Variants in SATL1 observed in about 807,000 individuals in gnomAD.
SATL1 encodes the protein spermidine/spermine N1-acetyl transferase like 1.
A neutral mutation model predicts 51.8 loss-of-function variants in SATL1; 47 were observed. That is an observed-to-expected ratio of 0.91 (90% CI 0.72 to 1.16). The LOEUF (loss-of-function observed/expected upper bound fraction) is 1.16. Ranked by LOEUF, SATL1 falls within the 50% of genes most tolerant of loss-of-function variation. The probability of loss-of-function intolerance (pLI) is 0.00; values close to 1 mark genes in which losing one functional copy is unlikely to be tolerated. For synonymous variants in SATL1, 176 were observed against 182.4 expected (o/e 0.97, Z 0.28); for missense variants, 520 against 526.4 (o/e 0.99, Z 0.12).
intron 2 of SATL1, among the ~76,000 whole-genome samples, chrX:85,155,562 T>C (rs1926566884): frequency 8.9e-6 from 1 of 112,231 alleles, no homozygotes; most frequent in African/African-American, 3.2e-5. Flanking sequence ...TTTACATGCT[T>C]TTTGGGTAAA....
chrX:85,151,344 A>T (rs1926431626), intron 2 of SATL1, among the ~76,000 whole-genome samples: 1 of 111,786 alleles, frequency 8.9e-6, no homozygotes, highest in South Asian at 3.8e-4. Flanking sequence ...AGAACATTCC[A>T]TGCTCATGGG....
At chrX:85,201,965 T>C (rs1369586502) in intron 2 of SATL1, among the ~76,000 whole-genome samples, 4 of 112,052 alleles carry the variant, frequency 3.6e-5, no homozygotes, top group Non-Finnish European at 1.9e-5. Flanking sequence ...TTTATATTCC[T>C]TTGGCTATAC....
chrX:85,150,809 C>A (rs376463872), intron 2 of SATL1, among the ~76,000 whole-genome samples: 2 of 108,152 alleles, frequency 1.8e-5, no homozygotes, highest in Non-Finnish European at 3.9e-5. Flanking sequence ...ATTGATGGGA[C>A]GTATCTCAAA....
At chrX:85,160,040 G>GTGCT (rs1555958928) in intron 2 of SATL1, among the ~76,000 whole-genome samples, 2 of 109,055 alleles carry the variant, frequency 1.8e-5, no homozygotes, top group Non-Finnish European at 3.8e-5. Context: ...CAGTCCCCCA[G>GTGCT]TGTTAGAGCA....
intron 2 of SATL1, among the ~76,000 whole-genome samples, chrX:85,170,370 G>A (rs1926946837): frequency 9.0e-6 from 1 of 111,470 alleles, no homozygotes; most frequent in Non-Finnish European, 1.9e-5. Flanking sequence ...TATTTTTTCT[G>A]CGACATTTTA....
At chrX:85,197,270 G>A (rs758065401) in intron 2 of SATL1, among the ~76,000 whole-genome samples, 25 of 110,874 alleles carry the variant, frequency 2.3e-4, no homozygotes, top group African/African-American at 7.2e-4. Context: ...TATGTATGGA[G>A]TATATGAGCT....
chrX:85,153,106 A>G (rs112721109), intron 2 of SATL1, among the ~76,000 whole-genome samples: 1,412 of 111,278 alleles, frequency 0.013, 20 homozygotes, highest in African/African-American at 0.044. Context: ...AGGTTTTATA[A>G]AAACACTAGA....
At chrX:85,140,205 G>T (rs919898869) in intron 2 of SATL1, among the ~76,000 whole-genome samples, 1 of 111,848 alleles carries the variant, frequency 8.9e-6, no homozygotes, top group East Asian at 2.8e-4. Flanking sequence ...CTAAAATTGT[G>T]TCATGTCCTG....
chrX:85,221,660 T>G (rs1928179979), intron 2 of SATL1, among the ~76,000 whole-genome samples: 2 of 112,268 alleles, frequency 1.8e-5, no homozygotes. Context: ...ATTCAGACAC[T>G]TCTATGGAAG....
At chrX:85,204,024 C>T (rs942343996) in intron 2 of SATL1, among the ~76,000 whole-genome samples, 22 of 112,096 alleles carry the variant, frequency 2.0e-4, no homozygotes, top group African/African-American at 6.2e-4. Flanking sequence ...CATGCATGCC[C>T]GAGCAGCTGC....
chrX:85,239,947 A>G (rs1488827843), intron 1 of SATL1, among the ~76,000 whole-genome samples: 1 of 111,847 alleles, frequency 8.9e-6, no homozygotes, highest in Non-Finnish European at 1.9e-5. Flanking sequence ...CATGCAAGAA[A>G]AAAAAAATGA....
intron 2 of SATL1, among the ~76,000 whole-genome samples, chrX:85,149,555 T>G (rs1407351982): frequency 9.0e-6 from 1 of 111,451 alleles, no homozygotes; most frequent in Non-Finnish European, 1.9e-5. Flanking sequence ...ATTGACCACA[T>G]AGTTGGAAGT....
chrX:85,197,036 C>A (rs761523752), intron 2 of SATL1, among the ~76,000 whole-genome samples: 1 of 111,137 alleles, frequency 9.0e-6, no homozygotes, highest in South Asian at 3.8e-4. Context: ...AAGGACATCA[C>A]CAAGCAAGTA....
chrX:85,150,387 C>G (rs1466420575), intron 2 of SATL1, among the ~76,000 whole-genome samples: 1 of 109,700 alleles, frequency 9.1e-6, no homozygotes, highest in African/African-American at 3.3e-5. Context: ...ACCAGAGGTA[C>G]AAGGAGGAAC....
At chrX:85,220,273 C>T (rs960813971) in intron 2 of SATL1, among the ~76,000 whole-genome samples, 1 of 110,375 alleles carries the variant, frequency 9.1e-6, no homozygotes, top group Non-Finnish European at 1.9e-5. Flanking sequence ...GCAGACCTTG[C>T]CACCCAGGGC....
chrX:85,208,570 C>T (rs1602913202), intron 2 of SATL1, among the ~76,000 whole-genome samples: 1 of 111,626 alleles, frequency 9.0e-6, no homozygotes, highest in South Asian at 3.8e-4. Flanking sequence ...ATGTTGTTTC[C>T]TGACTTTTTA....
chrX:85,211,050 T>C (rs1371885673), intron 2 of SATL1: 2 of 111,326 alleles, frequency 1.8e-5, no homozygotes, highest in Non-Finnish European at 3.8e-5. Context: ...AACTTAGGAG[T>C]AGTTCATGGT....
intron 2 of SATL1, among the ~76,000 whole-genome samples, chrX:85,159,487 T>C (rs1187159218): frequency 9.0e-6 from 1 of 111,191 alleles, no homozygotes; most frequent in Non-Finnish European, 1.9e-5. Context: ...TGGAACAGTT[T>C]CATCCTAAAA....
At chrX:85,197,036 C>T (rs761523752) in intron 2 of SATL1, among the ~76,000 whole-genome samples, 1 of 111,088 alleles carries the variant, frequency 9.0e-6, no homozygotes, top group Non-Finnish European at 1.9e-5. Flanking sequence ...AAGGACATCA[C>T]CAAGCAAGTA....
Sources: allele counts gnomAD v4.1 joint callset (sites outside exome capture counted in the v4.1 genomes callset), GRCh38; gene constraint gnomAD v4.1.1; transcripts MANE v1.5; gene names NCBI Gene and HGNC (gene_info 2026-07-23, HGNC 2026-07-21).